The following PTPRM variants were observed in gnomAD, a reference collection of about 807,000 sequenced individuals.
PTPRM encodes protein tyrosine phosphatase receptor type M.
In PTPRM, 47 loss-of-function variants were observed where a neutral mutation model predicts 186.7. That is an observed-to-expected ratio of 0.25 (90% CI 0.20 to 0.32). PTPRM has a LOEUF of 0.32. Among genes scored for constraint, PTPRM ranks in the 10% least tolerant of loss-of-function variants. The pLI, the probability that PTPRM is intolerant of heterozygous loss-of-function variation, is 1.00. For synonymous variants in PTPRM, 668 were observed against 674.9 expected (o/e 0.99, Z 0.16); for missense variants, 1,494 against 1,865.0 (o/e 0.80, Z 3.66).
At chr18:7,700,975 C>CAAAA (rs1262649146) in intron 1 of PTPRM, among the ~76,000 whole-genome samples, 26 of 60,528 alleles carry the variant, frequency 4.3e-4, no homozygotes, top group Non-Finnish European at 5.3e-4. Flanking sequence ...GAGCCTATCT[C>CAAAA]AAAAAAAAAA....
chr18:7,928,628 T>C (rs78096776), intron 5 of PTPRM, among the ~76,000 whole-genome samples: 6,035 of 152,292 alleles, frequency 0.04, 283 homozygotes, highest in African/African-American at 0.11. Flanking sequence ...AAAATACGTT[T>C]TGCTCCTAAT....
intron 22 of PTPRM, among the ~76,000 whole-genome samples, chr18:8,323,322 C>T (rs1010463312): frequency 2.0e-5 from 3 of 152,100 alleles, no homozygotes; most frequent in African/African-American, 7.2e-5. Flanking sequence ...GAAAGAGGCT[C>T]AGGCCTGGTG....
intron 3 of PTPRM, among the ~76,000 whole-genome samples, chr18:7,900,463 C>T (rs2146488788): frequency 6.6e-6 from 1 of 152,186 alleles, no homozygotes; most frequent in East Asian, 1.9e-4. Context: ...CAAAACTATG[C>T]CGTATCAGTC....
At chr18:8,259,322 A>C (rs113177110) in intron 19 of PTPRM, among the ~76,000 whole-genome samples, 5,316 of 152,244 alleles carry the variant, frequency 0.035, 105 homozygotes, top group South Asian at 0.058. Flanking sequence ...TTGAATGTGA[A>C]GATTGTTTTT....
chr18:8,248,985 C>T (rs1000801814), intron 17 of PTPRM, among the ~76,000 whole-genome samples: 4 of 152,170 alleles, frequency 2.6e-5, no homozygotes, highest in African/African-American at 9.6e-5. Flanking sequence ...GATAACCAAA[C>T]AAGCATGAGC....
At chr18:7,901,313 A>G (rs1951284457) in intron 3 of PTPRM, among the ~76,000 whole-genome samples, 1 of 152,228 alleles carries the variant, frequency 6.6e-6, no homozygotes. Context: ...ACAGAATTCC[A>G]AAATCTGTTT....
chr18:7,833,785 A>C (rs1012006928), intron 2 of PTPRM, among the ~76,000 whole-genome samples: 21 of 144,076 alleles, frequency 1.5e-4, no homozygotes, highest in Non-Finnish European at 2.3e-4. Context: ...ACAACAACAA[A>C]AGCAATGCAT....
In PTPRM at chr18:8,110,159, C is replaced by T. The variant is rs142285061; in HGVS notation, c.1857-3327C>T. 2.6e-3 allele frequency among the ~76,000 whole-genome samples: 390 copies of T among 152,292 alleles called. 2 individuals carry two copies. Among genetic ancestry groups the T allele is most frequent in the African/African-American group, 8.8e-3 (366 of 41,550 alleles). On this transcript the variant is annotated intron_variant, in intron 11 of 32. Transcript: ENST00000580170. ...CTTTCAGAAATATGTACTTCACAGC[C>T]GAAGTGTCACGAGACACAACAGTGA...
chr18:7,616,452 C>T (rs112801874), intron 1 of PTPRM, among the ~76,000 whole-genome samples: 55 of 152,236 alleles, frequency 3.6e-4, no homozygotes, highest in Admixed American at 6.5e-4. Flanking sequence ...TCAGACATGC[C>T]ACAATGCTCC....
intron 2 of PTPRM, among the ~76,000 whole-genome samples, chr18:7,839,105 C>T (rs1176537727): frequency 6.6e-6 from 1 of 152,142 alleles, no homozygotes; most frequent in African/African-American, 2.4e-5. Flanking sequence ...TGGCACAGGA[C>T]ATGTCCAGAA....
chr18:8,065,969 A>G (rs1600363498), intron 7 of PTPRM, among the ~76,000 whole-genome samples: 2 of 152,332 alleles, frequency 1.3e-5, no homozygotes, highest in East Asian at 1.9e-4. Flanking sequence ...GATCATCAGT[A>G]TAACTCACTA....
At chr18:7,891,488 A>G (rs1382254584) in intron 3 of PTPRM, among the ~76,000 whole-genome samples, 2 of 152,146 alleles carry the variant, frequency 1.3e-5, no homozygotes, top group South Asian at 2.1e-4. Flanking sequence ...CATGCTTTTT[A>G]TATAAATGTA....
intron 13 of PTPRM, among the ~76,000 whole-genome samples, chr18:8,125,586 C>T (rs544731760): frequency 9.2e-5 from 14 of 151,804 alleles, no homozygotes; most frequent in Non-Finnish European, 1.9e-4. Context: ...TTTCATTTCC[C>T]GTTAATGAGT....
chr18:7,663,196 G>A (rs564304351), intron 1 of PTPRM, among the ~76,000 whole-genome samples: 4 of 152,144 alleles, frequency 2.6e-5, no homozygotes, highest in Non-Finnish European at 4.4e-5. Context: ...GAAAGGTCAC[G>A]CACTCACTAA....
intron 20 of PTPRM, among the ~76,000 whole-genome samples, chr18:8,314,395 AT>A (rs2095292758): frequency 6.6e-6 from 1 of 152,134 alleles, no homozygotes; most frequent in African/African-American, 2.4e-5. Flanking sequence ...TGTAATCATC[AT>A]TTGTCAAGGT....
intron 22 of PTPRM, among the ~76,000 whole-genome samples, chr18:8,336,848 G>C (rs749927009): frequency 1.3e-5 from 2 of 151,880 alleles, no homozygotes; most frequent in African/African-American, 2.4e-5. Context: ...GTGGTGGTGC[G>C]TGCCTGTAGT....
At chr18:7,905,776 T>C (rs1023399298) in intron 3 of PTPRM, among the ~76,000 whole-genome samples, 1 of 152,226 alleles carries the variant, frequency 6.6e-6, no homozygotes, top group Non-Finnish European at 1.5e-5. Flanking sequence ...TATATTCTTA[T>C]AGTACACTGC....
chr18:8,279,411 G>A (rs561608795), intron 19 of PTPRM, among the ~76,000 whole-genome samples: 6 of 152,232 alleles, frequency 3.9e-5, no homozygotes, highest in East Asian at 1.9e-4. Flanking sequence ...TGCTGCTGGC[G>A]CCCCATATAG....
At chr18:7,719,065 G>T (rs1025384789) in intron 1 of PTPRM, among the ~76,000 whole-genome samples, 1 of 152,138 alleles carries the variant, frequency 6.6e-6, no homozygotes, top group Non-Finnish European at 1.5e-5. Context: ...TAATGGAAAA[G>T]AAGTCATTAT....
Sources: gnomAD v4.1 joint callset for allele counts (sites outside exome capture counted in the v4.1 genomes callset) on GRCh38, gnomAD v4.1.1 for gene constraint, MANE v1.5 for transcripts, NCBI Gene and HGNC (gene_info 2026-07-23, HGNC 2026-07-21) for gene names.